Variants in AGBL4 observed in about 807,000 individuals in gnomAD.
AGBL4 encodes the protein cytosolic carboxypeptidase 6.
In AGBL4, 58 loss-of-function variants were observed where a neutral mutation model predicts 66.4. That is an observed-to-expected ratio of 0.87 (90% CI 0.71 to 1.09). The LOEUF (loss-of-function observed/expected upper bound fraction) is 1.09, where lower values mean the gene tolerates loss of function less well. Ranked by LOEUF, AGBL4 falls within the 50% of genes least tolerant of loss-of-function variation. The pLI is 0.00. For synonymous variants in AGBL4, 234 were observed against 222.9 expected (o/e 1.05, Z -0.44); for missense variants, 579 against 631.0 (o/e 0.92, Z 0.88).
At chr1:49,012,304 C>T (rs75040449) in intron 5 of AGBL4, among the ~76,000 whole-genome samples, 1,920 of 152,122 alleles carry the variant, frequency 0.013, 29 homozygotes, top group Non-Finnish European at 0.016. Flanking sequence ...GAGACAAAGA[C>T]AGAGAAAGAG....
intron 3 of AGBL4, among the ~76,000 whole-genome samples, chr1:49,419,903 G>T (rs926734211): frequency 6.6e-6 from 1 of 152,178 alleles, no homozygotes; most frequent in Non-Finnish European, 1.5e-5. Flanking sequence ...AAGTCTTGCT[G>T]TTCAAAGTGT....
intron 1 of AGBL4, among the ~76,000 whole-genome samples, chr1:49,988,255 G>A (rs942980350): frequency 1.3e-5 from 2 of 152,054 alleles, no homozygotes; most frequent in African/African-American, 4.8e-5. Context: ...AATCAAGAAT[G>A]CAATTCTAAT....
At chr1:48,601,358 C>T (rs1645070649) in intron 9 of AGBL4, among the ~76,000 whole-genome samples, 1 of 152,216 alleles carries the variant, frequency 6.6e-6, no homozygotes, top group African/African-American at 2.4e-5. Flanking sequence ...AGCTTATACA[C>T]TGTCAATATA....
At chr1:49,422,483 A>G (rs1645567147) in intron 3 of AGBL4, among the ~76,000 whole-genome samples, 3 of 152,148 alleles carry the variant, frequency 2.0e-5, no homozygotes, top group Admixed American at 1.3e-4. Flanking sequence ...TACTTCTTTG[A>G]TTTTGAAAAT....
intron 3 of AGBL4, among the ~76,000 whole-genome samples, chr1:49,624,244 C>T (rs1048221935): frequency 6.6e-6 from 1 of 152,010 alleles, no homozygotes; most frequent in African/African-American, 2.4e-5. Flanking sequence ...ATTGTGGTTA[C>T]TGTATTAAAT....
rs188911528 is a variant in AGBL4 at position 49,434,103 on chromosome 1, A to G, written c.283-188239T>C. On this transcript the variant is annotated intron_variant, in intron 3 of 13. Transcript: ENST00000371839. Reference sequence around the variant, plus strand: ...CAAGATGCTCCAATCCCTGTAGCATATACTTGGGAGAAACTTCCTTCTGAC... The same window carrying G: ...CAAGATGCTCCAATCCCTGTAGCATGTACTTGGGAGAAACTTCCTTCTGAC... 2.5e-3 allele frequency among the ~76,000 whole-genome samples: 384 copies of G among 152,324 alleles called. 1 individual carries two copies. Among genetic ancestry groups the G allele is most frequent in the African/African-American group, 8.8e-3 (364 of 41,574 alleles).
intron 6 of AGBL4, among the ~76,000 whole-genome samples, chr1:48,718,191 G>A (rs1647083870): frequency 1.3e-5 from 2 of 152,224 alleles, no homozygotes; most frequent in Non-Finnish European, 2.9e-5. Context: ...TTCCATCTGT[G>A]GTTTTGATTG....
chr1:48,900,863 T>A (rs559558595), intron 5 of AGBL4, among the ~76,000 whole-genome samples: 3 of 152,164 alleles, frequency 2.0e-5, no homozygotes, highest in Admixed American at 2.0e-4. Flanking sequence ...GCATGATCCA[T>A]AAAAGAGCAA....
chr1:49,570,029 T>C (rs2148868727), intron 3 of AGBL4, among the ~76,000 whole-genome samples: 1 of 152,338 alleles, frequency 6.6e-6, no homozygotes, highest in South Asian at 2.1e-4. Context: ...TTATGAATAG[T>C]GCTGTGATAA....
At chr1:49,772,423 T>C (rs1371827845) in intron 2 of AGBL4, among the ~76,000 whole-genome samples, 1 of 152,180 alleles carries the variant, frequency 6.6e-6, no homozygotes, top group Non-Finnish European at 1.5e-5. Context: ...ATTACAACAC[T>C]TAGGGTATTC....
At chr1:49,688,660 A>G (rs1222619123) in intron 3 of AGBL4, among the ~76,000 whole-genome samples, 3 of 152,302 alleles carry the variant, frequency 2.0e-5, no homozygotes, top group South Asian at 2.1e-4. Context: ...ACTGTTCTCC[A>G]TAGTGGTTGT....
At chr1:49,546,927 G>C (rs1233611053) in intron 3 of AGBL4, among the ~76,000 whole-genome samples, 1 of 152,190 alleles carries the variant, frequency 6.6e-6, no homozygotes, top group African/African-American at 2.4e-5. Flanking sequence ...TGTATAGATT[G>C]TGAAGATTTT....
At chr1:49,085,753 G>A (rs1265369384) in intron 4 of AGBL4, among the ~76,000 whole-genome samples, 1 of 152,036 alleles carries the variant, frequency 6.6e-6, no homozygotes, top group Non-Finnish European at 1.5e-5. Flanking sequence ...TCCCCTGGGG[G>A]ATTCATACTC....
chr1:49,358,173 T>C (rs1362083126), intron 3 of AGBL4, among the ~76,000 whole-genome samples: 1 of 152,108 alleles, frequency 6.6e-6, no homozygotes, highest in Non-Finnish European at 1.5e-5. Flanking sequence ...AACCAACCCA[T>C]TAAGGCCCCA....
intron 6 of AGBL4, among the ~76,000 whole-genome samples, chr1:48,776,222 G>A (rs1010724778): frequency 1.3e-5 from 2 of 152,126 alleles, no homozygotes; most frequent in African/African-American, 2.4e-5. Context: ...AAGAACAGAG[G>A]GAAGGAACTG....
intron 4 of AGBL4, among the ~76,000 whole-genome samples, chr1:49,056,112 T>A (rs1832760): frequency 6.6e-6 from 1 of 152,104 alleles, no homozygotes; most frequent in Non-Finnish European, 1.5e-5. Context: ...ATTGTATAAA[T>A]CAGGAACCTG....
At chr1:49,334,799 T>C (rs1302191303) in intron 3 of AGBL4, among the ~76,000 whole-genome samples, 1 of 152,160 alleles carries the variant, frequency 6.6e-6, no homozygotes, top group Admixed American at 6.5e-5. Context: ...TTTATAGCCA[T>C]GTGTGGAGGG....
intron 4 of AGBL4, among the ~76,000 whole-genome samples, chr1:49,157,080 T>C (rs1440645540): frequency 2.0e-5 from 3 of 152,196 alleles, no homozygotes; most frequent in African/African-American, 7.2e-5. Context: ...GATACTTTTT[T>C]CATTTTTATT....
At chr1:50,000,507 G>C (rs1211016221) in intron 1 of AGBL4, among the ~76,000 whole-genome samples, 1 of 152,192 alleles carries the variant, frequency 6.6e-6, no homozygotes, top group Non-Finnish European at 1.5e-5. Context: ...GTGGAAAACA[G>C]TGTGGAGAGT....
Sources: allele counts gnomAD v4.1 joint callset (sites outside exome capture counted in the v4.1 genomes callset), GRCh38; gene constraint gnomAD v4.1.1; transcripts MANE v1.5; gene names NCBI Gene and HGNC (gene_info 2026-07-23, HGNC 2026-07-21).